UNC13C: variants seen among roughly 807,000 people sequenced by gnomAD.
UNC13C encodes unc-13 homolog C, also known as protein unc-13 homolog C.
UNC13C carries 174 observed loss-of-function variants against 245.4 expected under a neutral mutation model. The observed-to-expected ratio is 0.71, with a 90% CI of 0.63 to 0.80. The LOEUF is 0.80. Ranked by LOEUF, UNC13C falls within the 30% of genes least tolerant of loss-of-function variation. The pLI, the probability that UNC13C is intolerant of heterozygous loss-of-function variation, is 0.00. For synonymous variants in UNC13C, 992 were observed against 895.1 expected (o/e 1.11, Z -1.93); for missense variants, 2,829 against 2,602.9 (o/e 1.09, Z -1.89).
chr15:54,047,387 T>C (rs919622473), intron 2 of UNC13C, among the ~76,000 whole-genome samples: 1 of 152,022 alleles, frequency 6.6e-6, no homozygotes, highest in African/African-American at 2.4e-5. Context: ...AGAAGCTATG[T>C]ACCCGTTAAT....
In UNC13C at chr15:54,014,418, A is replaced by C. The variant is rs764029408; in HGVS notation, c.1515A>C (p.Ser505=). The C allele has an allele frequency of 1.9e-6, 3 of 1,613,852 alleles. No homozygotes were observed. The highest frequency in any genetic ancestry group is 2.5e-6 in the Non-Finnish European group (3 of 1,179,848). The part of the protein sequence containing the change: ...TANSSRISNK[S]DYDKISSQLP... ...ATAGCAGCAGAATTTCAAATAAATCAGATTATGATAAAATCTCCTCACAGT... is the reference window on the plus strand; with the variant it reads ...ATAGCAGCAGAATTTCAAATAAATCCGATTATGATAAAATCTCCTCACAGT... The change falls in exon 2 of 33, where the codon TCA becomes TCC. Residue 505 remains serine, a synonymous_variant. Coordinates refer to ENST00000260323, the MANE Select transcript of UNC13C (RefSeq NM_001080534.3).
intron 8 of UNC13C, among the ~76,000 whole-genome samples, chr15:54,255,451 C>T (rs551390411): frequency 2.8e-4 from 42 of 152,232 alleles, no homozygotes; most frequent in African/African-American, 9.9e-4. Flanking sequence ...AGTCTGCCGA[C>T]GTGACGATTT....
At chr15:54,177,524 A>G (rs2033656014) in intron 4 of UNC13C, among the ~76,000 whole-genome samples, 1 of 152,142 alleles carries the variant, frequency 6.6e-6, no homozygotes, top group Admixed American at 6.5e-5. Context: ...CTAAGAGGTT[A>G]AAGAGAGGCC....
the UNC13C span, among the ~76,000 whole-genome samples, chr15:53,966,970 G>A: frequency 1.3e-5 from 2 of 151,944 alleles, no homozygotes; most frequent in African/African-American, 2.4e-5. Context: ...TCCCAAGGTA[G>A]TAATACCAGT....
chr15:54,099,636 T>A (rs921788059), intron 2 of UNC13C, among the ~76,000 whole-genome samples: 19 of 152,126 alleles, frequency 1.2e-4, no homozygotes, highest in Non-Finnish European at 2.9e-5. Context: ...ACTGAATTCC[T>A]AAACCTAAGT....
chr15:54,525,562 C>T lies in UNC13C; in HGVS notation c.5471C>T (p.Ala1824Val). 1 of 1,612,300 alleles carries T rather than the reference C, an allele frequency of 6.2e-7. No homozygotes were observed. The highest frequency in any genetic ancestry group is 8.5e-7 in the Non-Finnish European group (1 of 1,179,120). Residue 1824 changes from alanine (A) to valine (V), a missense_variant, in exon 25 of 33, where the codon GCT (alanine) becomes GTT (valine). Physicochemically the swap from Ala to Val is moderately conservative, Grantham distance 64. Coordinates refer to ENST00000260323, the MANE Select transcript of UNC13C (RefSeq NM_001080534.3). ...GTCTCTCTGCAGCTAGATTCTGAAG[C>T]TAGTACTATTCTAAAAGAACTTCAG... The part of the protein sequence containing the change: ...SMGGKELDSE[A>V]STILKELQVK...
intron 4 of UNC13C, among the ~76,000 whole-genome samples, chr15:54,177,898 C>T (rs1255714018): frequency 1.3e-5 from 2 of 152,004 alleles, no homozygotes; most frequent in African/African-American, 2.4e-5. Flanking sequence ...TATTATTAAA[C>T]ATTTTTTCTC....
chr15:53,907,176 C>G, the UNC13C span, among the ~76,000 whole-genome samples: 1 of 152,128 alleles, frequency 6.6e-6, no homozygotes, highest in African/African-American at 2.4e-5. Flanking sequence ...TGAACTTTTT[C>G]TTTGGGTGTA....
the UNC13C span, among the ~76,000 whole-genome samples, chr15:53,930,056 G>A: frequency 3.2e-4 from 48 of 152,112 alleles, no homozygotes; most frequent in Admixed American, 3.1e-3. Flanking sequence ...CACTCAGCTG[G>A]CCGCCTTGAC....
At chr15:54,133,826 A>G (rs2031573391) in intron 2 of UNC13C, among the ~76,000 whole-genome samples, 1 of 152,154 alleles carries the variant, frequency 6.6e-6, no homozygotes, top group Non-Finnish European at 1.5e-5. Context: ...GCATATCTGT[A>G]CATGTTTTAT....
At chr15:53,931,222 GC>G in the UNC13C span, among the ~76,000 whole-genome samples, 1 of 152,074 alleles carries the variant, frequency 6.6e-6, no homozygotes, top group African/African-American at 2.4e-5. Flanking sequence ...AGGCTGGAGT[GC>G]AGTGGCACGA....
chr15:54,080,477 T>C (rs1045696895), intron 2 of UNC13C, among the ~76,000 whole-genome samples: 3 of 151,974 alleles, frequency 2.0e-5, no homozygotes, highest in Non-Finnish European at 4.4e-5. Context: ...GTAGATTTTT[T>C]ATTACCGATT....
intron 30 of UNC13C, 121 bp from the exon 31 acceptor site, chr15:54,622,206 T>A: frequency 1.4e-6 from 1 of 715,194 alleles, no homozygotes; most frequent in South Asian, 1.6e-5. Flanking sequence ...TATTACGCAC[T>A]ATTAATGGAA....
Position 54,288,206 on chromosome 15 carries a change from A to C in UNC13C, c.3819-5689A>C, listed in dbSNP as rs574802432. On this transcript the variant is annotated intron_variant, in intron 10 of 32. Coordinates refer to ENST00000260323, the MANE Select transcript of UNC13C (RefSeq NM_001080534.3). ...TTCAGGACTTCCTGGTCCTAGCAACAGAAGTAGTTTCTGGGTTAGTCAATC... is the reference window on the plus strand; with the variant it reads ...TTCAGGACTTCCTGGTCCTAGCAACCGAAGTAGTTTCTGGGTTAGTCAATC... Among the ~76,000 whole-genome samples the C allele has an allele frequency of 6.2e-4, 95 of 152,302 alleles. 1 individual carries two copies. The highest frequency in any genetic ancestry group is 2.1e-3 in the African/African-American group (86 of 41,584).
intron 2 of UNC13C, among the ~76,000 whole-genome samples, chr15:54,016,137 A>G (rs138591840): frequency 1.3e-5 from 2 of 152,202 alleles, no homozygotes; most frequent in Admixed American, 1.3e-4. Context: ...CACATTGTGG[A>G]TCAGATTTCT....
At chr15:54,191,423 G>A (rs2034178773) in intron 4 of UNC13C, among the ~76,000 whole-genome samples, 1 of 152,080 alleles carries the variant, frequency 6.6e-6, no homozygotes, top group East Asian at 1.9e-4. Context: ...GTGTATATGT[G>A]CCACATTTTC....
At chr15:54,426,874 G>T (rs1354042924) in intron 19 of UNC13C, among the ~76,000 whole-genome samples, 2 of 151,724 alleles carry the variant, frequency 1.3e-5, no homozygotes, top group Non-Finnish European at 2.9e-5. Context: ...AATGGTTAGA[G>T]AATTTCCTGG....
chr15:54,199,509 A>G (rs550580482), intron 4 of UNC13C, among the ~76,000 whole-genome samples: 1 of 152,296 alleles, frequency 6.6e-6, no homozygotes, highest in South Asian at 2.1e-4. Context: ...GAGATCCTAC[A>G]AGCTAGAAGA....
chr15:54,014,028 A>T lies in UNC13C; in HGVS notation c.1125A>T (p.Arg375=). ...GAGACTGCCCAAATGCAAAGCCTCG[A>T]CCCATACTTGTGTACTTTGAAACCC... is the stretch of plus-strand genomic sequence containing the variant. ...HQRDCPNAKP[R]PILVYFETPQ... Residue 375 remains arginine, a synonymous_variant, in exon 2 of 33, where the codon CGA becomes CGT. Transcript: ENST00000260323. The T allele has an allele frequency of 6.2e-7, 1 of 1,613,808 alleles. No individual in the cohort carries two copies. Among genetic ancestry groups the T allele is most frequent in the Non-Finnish European group, 8.5e-7 (1 of 1,179,844 alleles).
Sources: gnomAD v4.1 joint callset for allele counts (sites outside exome capture counted in the v4.1 genomes callset) on GRCh38, gnomAD v4.1.1 for gene constraint, MANE v1.5 for transcripts, NCBI Gene and HGNC (gene_info 2026-07-23, HGNC 2026-07-21) for gene names.